CFAP44: variants seen among roughly 807,000 people sequenced by gnomAD.
CFAP44 encodes cilia and flagella associated protein 44.
A neutral mutation model predicts 216.2 loss-of-function variants in CFAP44; 134 were observed. The ratio of observed to expected loss-of-function variants is 0.62; its 90% CI spans 0.54 to 0.72. The LOEUF (loss-of-function observed/expected upper bound fraction) is 0.72. Among genes scored for constraint, CFAP44 ranks in the 30% least tolerant of loss-of-function variants. CFAP44 has a pLI of 0.00. For synonymous variants in CFAP44, 700 were observed against 727.6 expected (o/e 0.96, Z 0.61); for missense variants, 2,035 against 2,182.1 (o/e 0.93, Z 1.34).
At chr3:113,404,194 T>C (rs1210219464) in intron 8 of CFAP44, 178 bp from the exon 9 acceptor site, 5 of 669,270 alleles carry the variant, frequency 7.5e-6, no homozygotes, top group Non-Finnish European at 1.2e-5. Flanking sequence ...CAACTACCAA[T>C]AACATTTTGA....
chr3:113,363,289 T>G lies in CFAP44; in HGVS notation c.2790A>C (p.Arg930Ser). ...TCATTAACTTGTCATGTTCTCTTTT[T>G]CTCCTAGCATTCTCGATACTGAAAA... ...PKAYSIENAR[R>S]KREHDKLMKE... Residue 930 changes from arginine to serine, a missense_variant, in exon 21 of 35, where the codon AGA becomes AGC. Transcript: ENST00000393845. 6.2e-7 allele frequency: 1 copy of G among 1,608,724 alleles called. No individual in the cohort carries two copies. The highest frequency in any genetic ancestry group is 8.5e-7 in the Non-Finnish European group (1 of 1,178,640).
chr3:113,349,212 G>A (rs1296278537), intron 22 of CFAP44, among the ~76,000 whole-genome samples: 1 of 152,154 alleles, frequency 6.6e-6, no homozygotes. Context: ...AAGCTGCTAT[G>A]GGAGGCCTTA....
chr3:113,358,985 CAT>C, intron 21 of CFAP44, 110 bp from the exon 22 acceptor site: 2 of 1,283,238 alleles, frequency 1.6e-6, no homozygotes, highest in Non-Finnish European at 2.1e-6. Context: ...CCCCAAATAT[CAT>C]AAACTCTGTC....
chr3:113,405,282 C>G (rs1173048128), intron 8 of CFAP44, among the ~76,000 whole-genome samples: 1 of 152,150 alleles, frequency 6.6e-6, no homozygotes, highest in East Asian at 1.9e-4. Flanking sequence ...GACTTATTTT[C>G]TTCTGTCCAG....
intron 24 of CFAP44, among the ~76,000 whole-genome samples, chr3:113,338,839 A>G (rs1950305104): frequency 1.3e-5 from 2 of 152,140 alleles, no homozygotes; most frequent in African/African-American, 2.4e-5. Flanking sequence ...GAGGATTTCT[A>G]AGAGGGGGCA....
chr3:113,328,696 TAAAAAAAAAAAAAAAAA>T (rs58650082), intron 26 of CFAP44, among the ~76,000 whole-genome samples: 8 of 28,532 alleles, frequency 2.8e-4, no homozygotes, highest in Non-Finnish European at 4.3e-4. Context: ...TTAGAGAGCT[TAAAAAAAAAAAAAAAAA>T]AAAAAAAAAA....
At chr3:113,330,909 C>T (rs1361515561) in intron 25 of CFAP44, among the ~76,000 whole-genome samples, 10 of 152,124 alleles carry the variant, frequency 6.6e-5, no homozygotes, top group African/African-American at 1.7e-4. Context: ...TGGCTTCCCA[C>T]GATTTGTTCC....
At chr3:113,410,162 T>A (rs146164033) in intron 6 of CFAP44, among the ~76,000 whole-genome samples, 3,603 of 152,264 alleles carry the variant, frequency 0.024, 68 homozygotes, top group African/African-American at 0.045. Context: ...CTTTTTTTTT[T>A]ATTATACTTT....
chr3:113,383,295 T>G (rs1933562136), intron 15 of CFAP44, among the ~76,000 whole-genome samples: 1 of 152,214 alleles, frequency 6.6e-6, no homozygotes, highest in Non-Finnish European at 1.5e-5. Context: ...ATCAAGGGAC[T>G]GGCAGATCCA....
intron 22 of CFAP44, among the ~76,000 whole-genome samples, chr3:113,354,535 C>T (rs1950476731): frequency 6.6e-6 from 1 of 152,118 alleles, no homozygotes; most frequent in South Asian, 2.1e-4. Flanking sequence ...TCCCCAACTT[C>T]CCTGTATGAC....
chr3:113,367,890 C>T (rs1933009523), intron 18 of CFAP44, among the ~76,000 whole-genome samples: 1 of 152,134 alleles, frequency 6.6e-6, no homozygotes, highest in African/African-American at 2.4e-5. Context: ...TAGAGAAGAT[C>T]TTAAATGACC....
intron 19 of CFAP44, among the ~76,000 whole-genome samples, chr3:113,365,625 T>C (rs951606548): frequency 6.6e-6 from 1 of 152,162 alleles, no homozygotes; most frequent in African/African-American, 2.4e-5. Flanking sequence ...AAAACAACTA[T>C]ATTTTTGCAA....
rs1172726021 is a variant in CFAP44, at chr3:113,344,658, G to T, written c.3120C>A (p.Asp1040Glu). 1.3e-6 allele frequency: 2 copies of T among 1,536,498 alleles called. No individual in the cohort carries two copies. The highest frequency in any genetic ancestry group is 1.7e-6 in the Non-Finnish European group (2 of 1,146,706). Reference sequence around the variant, plus strand: ...CCAGCCTGTAAGAGGATATCTTGTGGTCACTCAGTATGGCATGAACCACAA... The same window carrying T: ...CCAGCCTGTAAGAGGATATCTTGTGTTCACTCAGTATGGCATGAACCACAA... ...DTIVVHAILS[D>E]HKISSYRLVQ... is the part of the protein sequence containing the mutation. Residue 1040 changes from aspartate to glutamate, a missense_variant, in exon 23 of 35, where the codon GAC (aspartate) becomes GAA (glutamate). Asp to Glu is a conservative substitution (Grantham distance 45). Around this residue, in one of 3 missense-constraint regions of CFAP44, gnomAD observed 1,883 missense variants for 2,023.7 expected, o/e 0.93. Transcript: ENST00000393845.
At chr3:113,405,889 G>A (rs911206306) in intron 8 of CFAP44, among the ~76,000 whole-genome samples, 3 of 152,080 alleles carry the variant, frequency 2.0e-5, no homozygotes, top group African/African-American at 7.2e-5. Context: ...ATATAGTTTC[G>A]CCAGCATCCA....
At chr3:113,302,707 G>A (rs905306950) in intron 32 of CFAP44, among the ~76,000 whole-genome samples, 1 of 144,226 alleles carries the variant, frequency 6.9e-6, no homozygotes, top group Non-Finnish European at 1.5e-5. Context: ...GTTGCAGTGA[G>A]CCAAGATCAC....
chr3:113,328,718 A>C (rs1473492682), intron 26 of CFAP44, among the ~76,000 whole-genome samples: 1 of 145,736 alleles, frequency 6.9e-6, no homozygotes, highest in African/African-American at 2.7e-5. Context: ...AAAAAAAAAA[A>C]AAAAAAAAAA....
intron 29 of CFAP44, 90 bp downstream of exon 29, chr3:113,308,068 T>A: frequency 1.1e-6 from 1 of 914,056 alleles, no homozygotes. Context: ...TTTTGAATTA[T>A]CAGAGCACAG....
rs1007897107 is a variant in CFAP44, at chr3:113,333,644, A to G, written c.3438-61T>C. The G allele has an allele frequency of 6.4e-6, 9 of 1,395,668 alleles. No individual in the cohort carries two copies. In the East Asian group the frequency reaches 2.3e-4, roughly 36 times the overall value. The allele number at this position is 1,395,668 out of a possible 1,614,324, so 86.5% of individuals were successfully genotyped here. ...TATGACAATAAACTCTAATTTGTCT[A>G]CTTTAATATAGGCATATATTCAAAT... On this transcript the variant is annotated intron_variant, in intron 24 of 34. Transcript: ENST00000393845.
rs1484426421 is a variant in CFAP44 at position 113,288,122 on chromosome 3, T to A, written c.*3435A>T. The A allele has an allele frequency of 6.6e-6, 1 of 152,104 alleles. No homozygotes were observed. The highest frequency in any genetic ancestry group is 6.5e-5 in the Admixed American group (1 of 15,276). The allele number at this position is 152,104 out of a possible 1,614,324, so 9.4% of individuals were successfully genotyped here. A position where few individuals can be genotyped will look rare whatever the true frequency, so the allele number is the denominator to read the frequency against. On this transcript the variant is annotated 3_prime_UTR_variant, in exon 35 of 35. Transcript: ENST00000393845. ...TTTTCTAGATTTCTGTAAAATTGAG[T>A]TACAGATGAAATGCCACTTGAGACA...
Sources: gnomAD v4.1 joint callset for allele counts (sites outside exome capture counted in the v4.1 genomes callset) on GRCh38, gnomAD v4.1.1 for gene constraint, gnomAD v4.1.1 regional missense constraint, MANE v1.5 for transcripts, NCBI Gene and HGNC (gene_info 2026-07-23, HGNC 2026-07-21) for gene names.